USP54: variants seen among roughly 807,000 people sequenced by gnomAD.
USP54 encodes ubiquitin carboxyl-terminal hydrolase 54.
A neutral mutation model predicts 170.5 loss-of-function variants in USP54; 87 were observed. The observed-to-expected ratio is 0.51, with a 90% CI of 0.43 to 0.61. USP54 has a LOEUF of 0.61. Ranked by LOEUF, USP54 falls within the 20% of genes least tolerant of loss-of-function variation. USP54 has a pLI of 0.00. For missense variants in USP54, 1,786 were observed against 2,047.8 expected (o/e 0.87, Z 2.47); for synonymous variants, 655 against 742.8 (o/e 0.88, Z 1.92).
intron 4 of USP54, among the ~76,000 whole-genome samples, chr10:73,567,289 T>C (rs369352307): frequency 3.3e-5 from 5 of 152,366 alleles, no homozygotes; most frequent in African/African-American, 9.6e-5. Context: ...ATACCATTTT[T>C]GTAAGATTTA....
intron 22 of USP54, among the ~76,000 whole-genome samples, chr10:73,503,089 T>G (rs547666663): frequency 2.0e-5 from 3 of 152,166 alleles, no homozygotes; most frequent in Non-Finnish European, 4.4e-5. Context: ...CTGTCTGTGG[T>G]CCATAATATT....
Position 73,516,454 on chromosome 10 carries a change from C to T in USP54, c.3972G>A (p.Gln1324=), listed in dbSNP as rs750709384. ...QETSELESLY[Q]ASLQASQAGC... ...CAGCTTGAGAAGCCTGAAGACTGGC[C>T]TGATACAGAGACTCCAATTCTGAGG... The change falls in exon 20 of 24, where the codon CAG becomes CAA. Residue 1324 remains glutamine (Q), a synonymous_variant. Coordinates refer to ENST00000687698, the MANE Select transcript of USP54 (RefSeq NM_001391956.1). The T allele has an allele frequency of 6.2e-7, 1 of 1,614,114 alleles. No homozygotes were observed. The highest frequency in any genetic ancestry group is 1.1e-5 in the South Asian group (1 of 91,076).
At chr10:73,603,762 CA>C (rs377361450) in intron 1 of USP54, among the ~76,000 whole-genome samples, 4,525 of 137,148 alleles carry the variant, frequency 0.033, 197 homozygotes, top group Admixed American at 0.12. Context: ...ACAAAAACAA[CA>C]AAAAAAAAAA....
At position 73,530,297 on chromosome 10, in the gene USP54, C is replaced by G; in HGVS notation, c.1674G>C (p.Glu558Asp). The change falls in exon 14 of 24, where the codon GAG (glutamate) becomes GAC (aspartate). Residue 558 changes from glutamate (E) to aspartate (D), a missense_variant. This residue lies in a region of USP54 where 1,418 missense variants were observed against 1,569.0 expected (regional missense o/e 0.90). Transcript: ENST00000687698. The stretch of plus-strand genomic sequence containing the variant: ...TGGATTTTGACTCACTGCTGGTACT[C>G]TCTATTTCCCAGTCACGAGAGTGTA... Reference protein sequence around the residue: ...LPLHSRDWEIESTSSESKSSS... With the variant: ...LPLHSRDWEIDSTSSESKSSS... The G allele has an allele frequency of 3.1e-6, 5 of 1,614,158 alleles. No individual in the cohort carries two copies. Among genetic ancestry groups the G allele is most frequent in the Non-Finnish European group, 4.2e-6 (5 of 1,180,042 alleles).
chr10:73,548,718 G>A (rs1243298443), intron 4 of USP54, among the ~76,000 whole-genome samples: 3 of 152,076 alleles, frequency 2.0e-5, no homozygotes, highest in Admixed American at 6.6e-5. Flanking sequence ...ATCATACACC[G>A]GGGCCTGTCG....
rs1157711684 is a variant in USP54 at position 73,569,829 on chromosome 10, G to A, written c.240+1592C>T. On this transcript the variant is annotated intron_variant, in intron 4 of 23. Transcript: ENST00000687698. ...AAGTGAGTTGGGTGTGGTGGCATGA[G>A]CCTGTAATCCCAGCCTACTCTTGAG... is the stretch of plus-strand genomic sequence containing the variant. Among the ~76,000 whole-genome samples the A allele has an allele frequency of 2.2e-5, 3 of 137,810 alleles. No individual in the cohort carries two copies. The East Asian group carries it at 6.5e-4, about 30-fold the overall frequency. 90.4% of individuals were successfully genotyped at this position (137,810 alleles called of 152,430 possible).
At chr10:73,596,102 A>G (rs1352184505), upstream of USP54, among the ~76,000 whole-genome samples, 1 of 142,264 alleles carries the variant, frequency 7.0e-6, no homozygotes, top group East Asian at 2.1e-4. Flanking sequence ...CAGAGCCAAG[A>G]CTCCATCTCA....
rs1186416879 is a variant in USP54 at position 73,600,479 on chromosome 10, G to A, written c.-17-24804C>T. Reference sequence around the variant, plus strand: ...TGCCATTGGAGGAAATGAGGTAAATGGTACATCAGGTCAATATTATTATTT... The same window carrying A: ...TGCCATTGGAGGAAATGAGGTAAATAGTACATCAGGTCAATATTATTATTT... On this transcript the variant is annotated intron_variant, in intron 1 of 22. Coordinates refer to the USP54 transcript ENST00000339859. Among the ~76,000 whole-genome samples the A allele has an allele frequency of 2.0e-5, 3 of 151,976 alleles. No homozygotes were observed. In the East Asian group the frequency reaches 5.8e-4, roughly 29 times the overall value.
intron 1 of USP54, among the ~76,000 whole-genome samples, chr10:73,590,529 T>C (rs2078120106): frequency 6.6e-6 from 1 of 152,148 alleles, no homozygotes; most frequent in Admixed American, 6.5e-5. Flanking sequence ...CAAATATTCT[T>C]AGAAGCTCAA....
chr10:73,615,039 C>G (rs533192847), intron 1 of USP54: 1 of 150,126 alleles, frequency 6.7e-6, no homozygotes, highest in Non-Finnish European at 1.5e-5. Flanking sequence ...TTAATGGGTA[C>G]AAAAACAAAT....
intron 1 of USP54, among the ~76,000 whole-genome samples, chr10:73,608,009 C>A (rs2079818980): frequency 6.6e-6 from 1 of 151,968 alleles, no homozygotes; most frequent in African/African-American, 2.4e-5. Flanking sequence ...TGCCTATAAT[C>A]CCAGCAATTT....
At chr10:73,526,875 ACTAC>A in intron 15 of USP54, 95 bp from the exon 16 acceptor site, 1 of 1,395,394 alleles carries the variant, frequency 7.2e-7, no homozygotes, top group Non-Finnish European at 9.6e-7. Flanking sequence ...AAAAAATCAA[ACTAC>A]ACAATTAGAG....
intron 4 of USP54, among the ~76,000 whole-genome samples, chr10:73,547,347 G>A (rs2068075234): frequency 6.6e-6 from 1 of 152,166 alleles, no homozygotes; most frequent in African/African-American, 2.4e-5. Flanking sequence ...GCTGCAGTGA[G>A]CTGAGATCAT....
At chr10:73,537,634 C>G (rs965544077) in intron 10 of USP54, among the ~76,000 whole-genome samples, 1 of 151,832 alleles carries the variant, frequency 6.6e-6, no homozygotes, top group African/African-American at 2.4e-5. Context: ...ACAGCAGCCC[C>G]GAGACAAAGT....
intron 15 of USP54, 94 bp from the exon 16 acceptor site, chr10:73,526,874 A>G (rs2062971655): frequency 7.1e-7 from 1 of 1,400,256 alleles, no homozygotes; most frequent in Non-Finnish European, 9.6e-7. Context: ...AAAAAAATCA[A>G]ACTACACAAT....
At chr10:73,595,275 G>A (rs1304837832), upstream of USP54, among the ~76,000 whole-genome samples, 1 of 152,146 alleles carries the variant, frequency 6.6e-6, no homozygotes, top group Non-Finnish European at 1.5e-5. Flanking sequence ...AGGCTGGAGT[G>A]CAGTGGCTAG....
At chr10:73,511,307 T>C (rs1294375899) in intron 20 of USP54, among the ~76,000 whole-genome samples, 1 of 152,050 alleles carries the variant, frequency 6.6e-6, no homozygotes, top group Non-Finnish European at 1.5e-5. Context: ...ATAGGTGAAA[T>C]GTATGGCATG....
Position 73,578,752 on chromosome 10 carries a change from G to A in USP54, c.-581-2391C>T, listed in dbSNP as rs1446381117. 5.3e-5 allele frequency among the ~76,000 whole-genome samples: 8 copies of A among 152,256 alleles called. No individual in the cohort carries two copies. In the South Asian group the frequency reaches 1.7e-3, roughly 32 times the overall value. On this transcript the variant is annotated intron_variant, in intron 1 of 23. Transcript: ENST00000687698. ...TACCAAGGCCATTTAATTGAGAAAT[G>A]ACAGTCTTTTCAACAAATGATGTTG...
chr10:73,591,047 TG>T (rs1243454601), intron 1 of USP54, among the ~76,000 whole-genome samples: 2 of 151,926 alleles, frequency 1.3e-5, no homozygotes, highest in Non-Finnish European at 2.9e-5. Flanking sequence ...ATCTAATAAT[TG>T]TAACAGAGAG....
Sources: gnomAD v4.1 joint callset for allele counts (sites outside exome capture counted in the v4.1 genomes callset) on GRCh38, gnomAD v4.1.1 for gene constraint, gnomAD v4.1.1 regional missense constraint, MANE v1.5 for transcripts, NCBI Gene and HGNC (gene_info 2026-07-23, HGNC 2026-07-21) for gene names.